ALOXE3: variants seen among roughly 807,000 people sequenced by gnomAD.
ALOXE3 encodes the protein hydroperoxide isomerase ALOXE3.
ALOXE3 carries 78 observed loss-of-function variants against 87.5 expected under a neutral mutation model. The observed-to-expected ratio is 0.89, with a 90% CI of 0.74 to 1.08. The LOEUF is 1.08. Among genes scored for constraint, ALOXE3 ranks in the 50% least tolerant of loss-of-function variants. The pLI is 0.00. For synonymous variants in ALOXE3, 363 were observed against 370.8 expected (o/e 0.98, Z 0.24); for missense variants, 946 against 912.4 (o/e 1.04, Z -0.47).
At chr17:8,098,627 G>C (rs952940897) in intron 15 of ALOXE3, among the ~76,000 whole-genome samples, 1 of 152,032 alleles carries the variant, frequency 6.6e-6, no homozygotes, top group South Asian at 2.1e-4. Flanking sequence ...TTTATCAAAT[G>C]CTTTTTCAGC....
Position 8,118,279 on chromosome 17 carries a change from A to G in ALOXE3, c.-289T>C. The G allele has an allele frequency of 6.4e-7, 1 of 1,551,688 alleles. No homozygotes were observed. ...CGGTCCCTCTGGCTGGCTCACCCAGATGGATATCAGGAGCCTGGGTTCCAC... is the reference window on the plus strand; with the variant it reads ...CGGTCCCTCTGGCTGGCTCACCCAGGTGGATATCAGGAGCCTGGGTTCCAC... On this transcript the variant is annotated 5_prime_UTR_variant, in exon 2 of 16. Coordinates refer to ENST00000448843, the MANE Select transcript of ALOXE3 (RefSeq NM_021628.3).
At chr17:8,099,895 C>T (rs544090588) in intron 15 of ALOXE3, among the ~76,000 whole-genome samples, 6 of 152,106 alleles carry the variant, frequency 3.9e-5, no homozygotes, top group African/African-American at 1.2e-4. Flanking sequence ...TATAACAAGA[C>T]CCTGTCTCTA....
Position 8,110,524 on chromosome 17 carries a change from C to A in ALOXE3, c.962G>T (p.Gly321Val). ...DTCLQTELER[G>V]NIFLADYWIL... The stretch of plus-strand genomic sequence containing the variant: ...CCAGTAGTCCGCTAGGAAGATGTTC[C>A]CCCTCTGCAGAAGGCACACAGAGGC... The change falls in exon 9 of 16, where the codon GGG (glycine) becomes GTG (valine). Residue 321 changes from glycine to valine, a missense_variant. Gly to Val is a moderately radical substitution (Grantham distance 109). Transcript: ENST00000448843. 1.2e-6 allele frequency: 2 copies of A among 1,613,844 alleles called. No homozygotes were observed. Among genetic ancestry groups the A allele is most frequent in the Non-Finnish European group, 1.7e-6 (2 of 1,179,894 alleles).
At position 8,105,657 on chromosome 17, in the gene ALOXE3, G is replaced by A. The variant is rs550161968; in HGVS notation, c.1685-1442C>T. On this transcript the variant is annotated intron_variant, in intron 13 of 15. Transcript: ENST00000448843. The stretch of plus-strand genomic sequence containing the variant: ...ATGCATGAGAGGGTAAGAAGCCAGA[G>A]CATGGGAGGCAGAGGTGGGAGGATT... Among the ~76,000 whole-genome samples the A allele has an allele frequency of 2.6e-4, 40 of 152,266 alleles. 1 individual carries two copies. In the South Asian group the frequency reaches 8.3e-3, roughly 32 times the overall value.
chr17:8,117,344 C>A (rs914127521), intron 2 of ALOXE3, among the ~76,000 whole-genome samples: 2 of 152,200 alleles, frequency 1.3e-5, no homozygotes, highest in Non-Finnish European at 2.9e-5. Flanking sequence ...CGCTTAAACC[C>A]GGGAGGTGGA....
chr17:8,107,881 GAA>G (rs1567996223), intron 13 of ALOXE3, among the ~76,000 whole-genome samples: 1 of 3,778 alleles, frequency 2.6e-4, no homozygotes, highest in Non-Finnish European at 7.3e-4. Flanking sequence ...AAGAAAGAAA[GAA>G]AGAAAGAAAG....
intron 3 of ALOXE3, 57 bp from the exon 4 acceptor site, chr17:8,115,745 C>T (rs1980527852): frequency 3.2e-6 from 5 of 1,547,626 alleles, no homozygotes; most frequent in African/African-American, 2.7e-5. Context: ...ACATCTTCTG[C>T]AAACCTTGCC....
chr17:8,098,234 G>GTGT (rs1978682313), intron 15 of ALOXE3, among the ~76,000 whole-genome samples: 1 of 87,484 alleles, frequency 1.1e-5, no homozygotes, highest in Non-Finnish European at 2.2e-5. Context: ...TTTGGTTTTT[G>GTGT]TTTTTTTTTT....
intron 15 of ALOXE3, among the ~76,000 whole-genome samples, chr17:8,099,448 G>A (rs1288840418): frequency 6.6e-6 from 1 of 151,994 alleles, no homozygotes; most frequent in Non-Finnish European, 1.5e-5. Flanking sequence ...GATCACCTGA[G>A]GTCAGGAGTT....
chr17:8,113,196 C>T (rs530028156), intron 6 of ALOXE3, among the ~76,000 whole-genome samples: 27 of 152,294 alleles, frequency 1.8e-4, no homozygotes, highest in Non-Finnish European at 1.5e-4. Flanking sequence ...TGAACACATG[C>T]CTTGGATCTT....
In ALOXE3 at chr17:8,112,090, C is replaced by T. The variant is rs751801936; in HGVS notation, c.784+3G>A. The T allele has an allele frequency of 1.9e-5, 30 of 1,613,570 alleles. No homozygotes were observed. The highest frequency in any genetic ancestry group is 2.5e-5 in the Non-Finnish European group (29 of 1,179,606). ...TAGACATCTCCTGCCTGGCTCTGCT[C>T]ACTTGTCGTGAAGGTCTTATGGCAC... On this transcript the variant is annotated splice_donor_region_variant and intron_variant, in intron 7 of 15. Coordinates refer to ENST00000448843, the MANE Select transcript of ALOXE3 (RefSeq NM_021628.3).
Position 8,096,138 on chromosome 17 carries a change from A to C in ALOXE3, c.*489T>G, listed in dbSNP as rs1051715102. ...AGGTGCTAGGGACAAAGGGGACCAC[A>C]TGTTAGACCCAGGCACACAGTCCTT... On this transcript the variant is annotated 3_prime_UTR_variant, in exon 16 of 16. Transcript: ENST00000448843. 7 of 167,000 alleles carry C rather than the reference A, an allele frequency of 4.2e-5. No homozygotes were observed. The highest frequency in any genetic ancestry group is 9.2e-5 in the Non-Finnish European group (7 of 76,174). The allele number at this position is 167,000 out of a possible 1,614,324, so 10.3% of individuals were successfully genotyped here.
Position 8,110,389 on chromosome 17 carries a change from A to G in ALOXE3, c.1097T>C (p.Ile366Thr), listed in dbSNP as rs747026672. The change falls in exon 9 of 16, where the codon ATC becomes ACC. Residue 366 changes from isoleucine to threonine, a missense_variant. Ile to Thr is a moderately conservative substitution (Grantham distance 89). Transcript: ENST00000448843. ...GGGCGGCGGCGCCGGGCTCACCTGG[A>G]TGGCCAAGGGCACCAGCGCCCCCTG... ...SPQGALVPLA[I>T]QLSQTPGPDS... is the part of the protein sequence containing the mutation. The G allele has an allele frequency of 1.2e-6, 2 of 1,606,820 alleles. No homozygotes were observed. Among genetic ancestry groups the G allele is most frequent in the East Asian group, 2.2e-5 (1 of 44,750 alleles).
Position 8,118,179 on chromosome 17 carries a change from T to A in ALOXE3, c.-189A>T. On this transcript the variant is annotated 5_prime_UTR_variant, in exon 2 of 16. Coordinates refer to ENST00000448843, the MANE Select transcript of ALOXE3 (RefSeq NM_021628.3). Reference sequence around the variant, plus strand: ...TGGGCTTTCTCTCTCCGAAGCTCCCTGCTGGCGGCTCGGGCTTCCTCTCTC... The same window carrying A: ...TGGGCTTTCTCTCTCCGAAGCTCCCAGCTGGCGGCTCGGGCTTCCTCTCTC... 1 of 1,551,646 alleles carries A rather than the reference T, an allele frequency of 6.4e-7. No homozygotes were observed. The highest frequency in any genetic ancestry group is 2.0e-5 in the Admixed American group (1 of 50,998).
At chr17:8,111,279 C>T in intron 8 of ALOXE3, 80 bp downstream of exon 8, 1 of 1,566,280 alleles carries the variant, frequency 6.4e-7, no homozygotes, top group Non-Finnish European at 8.7e-7. Context: ...ATTTCCATAC[C>T]CTCCACACAC....
At chr17:8,114,354 G>T in intron 6 of ALOXE3, 130 bp downstream of exon 6, 1 of 1,307,628 alleles carries the variant, frequency 7.6e-7, no homozygotes, top group Non-Finnish European at 1.1e-6. Flanking sequence ...GAGGGAATGA[G>T]TCCAGAGAGG....
chr17:8,114,535 A>T lies in ALOXE3; in HGVS notation c.629T>A (p.Val210Asp), dbSNP rs764861721. ...IPSLMYMEPN[V>D]RYSATKTISL... ...GATCGTCTTGGTGGCTGAGTATCGA[A>T]CATTGGGCTCCATGTACATCAGGGA... The change falls in exon 6 of 16, where the codon GTT (valine) becomes GAT (aspartate). Residue 210 changes from valine (V) to aspartate (D), a missense_variant. Transcript: ENST00000448843. 1.2e-6 allele frequency: 2 copies of T among 1,614,040 alleles called. No homozygotes were observed. Among genetic ancestry groups the T allele is most frequent in the Non-Finnish European group, 8.5e-7 (1 of 1,179,972 alleles).
In ALOXE3 at chr17:8,117,887, T is replaced by A. The variant is rs1418094365; in HGVS notation, c.104A>T (p.Lys35Met). The A allele has an allele frequency of 1.2e-6, 2 of 1,611,926 alleles. No homozygotes were observed. The highest frequency in any genetic ancestry group is 2.2e-5 in the East Asian group (1 of 44,864). Residue 35 changes from lysine to methionine, a missense_variant, in exon 2 of 16, where the codon AAG becomes ATG. Coordinates refer to ENST00000448843, the MANE Select transcript of ALOXE3 (RefSeq NM_021628.3). Reference protein sequence around the residue: ...TLVGTCGESPKQRLDRMGRDF... With the variant: ...TLVGTCGESPMQRLDRMGRDF... ...CCTGCCCATTCGATCTAGCCGCTGC[T>A]TGGGGCTTTCACCACACGTGCCCAC...
chr17:8,110,345 C>A, intron 9 of ALOXE3, 40 bp downstream of exon 9: 2 of 1,607,478 alleles, frequency 1.2e-6, no homozygotes, highest in Non-Finnish European at 1.7e-6. Flanking sequence ...TGGCGGTTAG[C>A]ACCTGAGCCC....
Sources: gnomAD v4.1 joint callset for allele counts (sites outside exome capture counted in the v4.1 genomes callset) on GRCh38, gnomAD v4.1.1 for gene constraint, MANE v1.5 for transcripts, NCBI Gene and HGNC (gene_info 2026-07-23, HGNC 2026-07-21) for gene names.